MYH9: variants seen among roughly 807,000 people sequenced by gnomAD.
MYH9 encodes myosin heavy chain 9.
MYH9 carries 29 observed loss-of-function variants against 241.9 expected under a neutral mutation model. That is an observed-to-expected ratio of 0.12 (90% CI 0.09 to 0.16). MYH9 has a LOEUF of 0.16. Among genes scored for constraint, MYH9 ranks in the 10% least tolerant of loss-of-function variants. MYH9 has a pLI of 1.00. For missense variants in MYH9, 1,803 were observed against 2,595.5 expected (o/e 0.69, Z 6.63); for synonymous variants, 1,047 against 1,062.6 (o/e 0.99, Z 0.29).
chr22:36,309,651 C>G (rs541907786), intron 14 of MYH9, among the ~76,000 whole-genome samples: 1 of 152,352 alleles, frequency 6.6e-6, no homozygotes, highest in East Asian at 1.9e-4. Context: ...TGGCTCTAGA[C>G]ATGGCATGGT....
chr22:36,303,844 G>T (rs900672130), intron 19 of MYH9, 151 bp downstream of exon 19: 27 of 671,528 alleles, frequency 4.0e-5, no homozygotes, highest in South Asian at 7.4e-5. Context: ...CTCAAAGGTA[G>T]AAATCCAGGA....
intron 14 of MYH9, among the ~76,000 whole-genome samples, chr22:36,311,388 A>G (rs998120585): frequency 3.3e-5 from 5 of 151,720 alleles, no homozygotes; most frequent in African/African-American, 1.2e-4. Context: ...AAACTAGGAC[A>G]TGTTTGGCGA....
rs758034745 is a variant in MYH9 at position 36,284,423 on chromosome 22, C to T, written c.5572G>A (p.Ala1858Thr). The change falls in exon 39 of 41, where the codon GCC becomes ACC. Residue 1858 changes from alanine to threonine, a missense_variant. Ala to Thr is a moderately conservative substitution (Grantham distance 58). Coordinates refer to ENST00000216181, the MANE Select transcript of MYH9 (RefSeq NM_002473.6). ...LLQVDDERRNAEQYKDQADKA... is the reference protein window; with the variant it reads ...LLQVDDERRNTEQYKDQADKA... ...CACACCTGGTCCTTGTACTGCTCGG[C>T]GTTCCTCCGCTCGTCATCCACCTGC... The T allele has an allele frequency of 9.3e-6, 15 of 1,612,772 alleles. No homozygotes were observed. Among genetic ancestry groups the T allele is most frequent in the South Asian group, 6.6e-5 (6 of 91,090 alleles).
Position 36,294,092 on chromosome 22 carries a change from C to A in MYH9, c.3837G>T (p.Gln1279His). The part of the protein sequence containing the change: ...TELADKVTKL[Q>H]VELDNVTGLL... ...GCCAGGGTCCTGGCGGAGGCCTCACCTGCAGCTTGGTGACCTTGTCGGCCA... is the reference window on the plus strand; with the variant it reads ...GCCAGGGTCCTGGCGGAGGCCTCACATGCAGCTTGGTGACCTTGTCGGCCA... The change falls in exon 28 of 41, where the codon CAG becomes CAT. Residue 1279 changes from glutamine (Q) to histidine (H), a missense_variant and splice_region_variant. Gln to His is a conservative substitution (Grantham distance 24). This residue lies in a region of MYH9 where 876 missense variants were observed against 1,077.8 expected (regional missense o/e 0.81). Coordinates refer to ENST00000216181, the MANE Select transcript of MYH9 (RefSeq NM_002473.6). 1 of 1,608,154 alleles carries A rather than the reference C, an allele frequency of 6.2e-7. No homozygotes were observed. The highest frequency in any genetic ancestry group is 8.5e-7 in the Non-Finnish European group (1 of 1,179,876).
At chr22:36,346,782 T>G (rs2017684532) in intron 2 of MYH9, among the ~76,000 whole-genome samples, 1 of 152,100 alleles carries the variant, frequency 6.6e-6, no homozygotes, top group South Asian at 2.1e-4. Context: ...TTTTTTTATT[T>G]TTTTGTAGAG....
In MYH9 at chr22:36,293,974, G is replaced by T; in HGVS notation, c.3838-111C>A. ...CTGAGTCACAAGCTGAACCATGAGGGTCTGAGGAGCCAGTTTGAGAAGAGA... is the reference window on the plus strand; with the variant it reads ...CTGAGTCACAAGCTGAACCATGAGGTTCTGAGGAGCCAGTTTGAGAAGAGA... On this transcript the variant is annotated intron_variant, in intron 28 of 40. Coordinates refer to ENST00000216181, the MANE Select transcript of MYH9 (RefSeq NM_002473.6). This position sits in a 1 kb window ranked among gnomAD's most constrained non-coding sequence, Gnocchi z 5.1. 6.9e-7 allele frequency: 1 copy of T among 1,456,606 alleles called. No individual in the cohort carries two copies. The highest frequency in any genetic ancestry group is 9.5e-7 in the Non-Finnish European group (1 of 1,057,384). 90.2% of individuals were successfully genotyped at this position (1,456,606 alleles called of 1,614,324 possible).
intron 1 of MYH9, among the ~76,000 whole-genome samples, chr22:36,354,053 A>AC: frequency 6.6e-6 from 1 of 152,192 alleles, no homozygotes; most frequent in Admixed American, 6.5e-5. Flanking sequence ...GGCGTGTGCC[A>AC]CCACGCCTGG....
chr22:36,296,065 G>A (rs183761106), intron 25 of MYH9, among the ~76,000 whole-genome samples: 2 of 152,276 alleles, frequency 1.3e-5, no homozygotes, highest in African/African-American at 2.4e-5. Context: ...AATGTGCTAC[G>A]GACTTTAGAT....
intron 2 of MYH9, among the ~76,000 whole-genome samples, chr22:36,346,594 T>C (rs2017681703): frequency 1.3e-5 from 2 of 152,230 alleles, no homozygotes; most frequent in South Asian, 4.2e-4. Context: ...GGGAAGGCCA[T>C]AATAATCTTT....
rs188588187 is a variant in MYH9 at position 36,293,054 on chromosome 22, T to C, written c.4095+275A>G. Among the ~76,000 whole-genome samples the C allele has an allele frequency of 3.9e-5, 6 of 152,342 alleles. No individual in the cohort carries two copies. The highest frequency in any genetic ancestry group is 1.3e-4 in the Admixed American group (2 of 15,294). On this transcript the variant is annotated intron_variant, in intron 30 of 40. Coordinates refer to ENST00000216181, the MANE Select transcript of MYH9 (RefSeq NM_002473.6). The surrounding 1 kb of genome is among the most constrained non-coding windows in gnomAD (Gnocchi z 5.1). ...ACTGCCACCACCATGGCTTGCTGCC[T>C]ACATCCATAATGGAAGCAATGCTGA...
intron 21 of MYH9, 133 bp from the exon 22 acceptor site, chr22:36,301,190 G>T: frequency 1.1e-6 from 1 of 889,928 alleles, no homozygotes; most frequent in Non-Finnish European, 1.8e-6. Context: ...CATCTGGAGA[G>T]CTCTGAAGCT....
rs1433500310 is a variant in MYH9 at position 36,288,244 on chromosome 22, A to G, written c.4932+8T>C. The stretch of plus-strand genomic sequence containing the variant: ...GCCCACCCTCACCTGGGCCCCGCCC[A>G]CCCTTACCTGCAGCTTCCGCAGCTG... On this transcript the variant is annotated splice_region_variant and intron_variant, in intron 34 of 40. Transcript: ENST00000216181. This position sits in a 1 kb window ranked among gnomAD's most constrained non-coding sequence, Gnocchi z 4.8. 1 of 1,612,220 alleles carries G rather than the reference A, an allele frequency of 6.2e-7. No homozygotes were observed. Among genetic ancestry groups the G allele is most frequent in the Admixed American group, 1.7e-5 (1 of 59,952 alleles).
At chr22:36,383,317 C>T (rs1215617134) in intron 1 of MYH9, among the ~76,000 whole-genome samples, 1 of 152,180 alleles carries the variant, frequency 6.6e-6, no homozygotes, top group East Asian at 1.9e-4. Context: ...AGTGCTCTTC[C>T]TGTATCACCC....
chr22:36,338,711 T>G (rs962548772), intron 3 of MYH9, among the ~76,000 whole-genome samples: 5 of 151,292 alleles, frequency 3.3e-5, no homozygotes, highest in African/African-American at 1.2e-4. Flanking sequence ...TCCCAGCTAC[T>G]CAGGAGGCTG....
At position 36,321,885 on chromosome 22, in the gene MYH9, G is replaced by A. The variant is rs1326191973; in HGVS notation, c.706-64C>T. 15 of 1,408,802 alleles carry A rather than the reference G, an allele frequency of 1.1e-5. No homozygotes were observed. The East Asian group carries it at 3.0e-4, about 28-fold the overall frequency. The allele number at this position is 1,408,802 out of a possible 1,614,324, so 87.3% of individuals were successfully genotyped here. A position where few individuals can be genotyped will look rare whatever the true frequency, so the allele number is the denominator to read the frequency against. On this transcript the variant is annotated intron_variant, in intron 6 of 40. Coordinates refer to ENST00000216181, the MANE Select transcript of MYH9 (RefSeq NM_002473.6). ...TGACATGGGGAGCTAGAGAGCACGGGGGAGACCACAGCCCCCCGCCCCACC... is the reference window on the plus strand; with the variant it reads ...TGACATGGGGAGCTAGAGAGCACGGAGGAGACCACAGCCCCCCGCCCCACC...
In MYH9 at chr22:36,300,404, G is replaced by A. The variant is rs1569535192; in HGVS notation, c.2839-140C>T. 5 of 1,255,124 alleles carry A rather than the reference G, an allele frequency of 4.0e-6. No individual in the cohort carries two copies. Among genetic ancestry groups the A allele is most frequent in the African/African-American group, 1.5e-5 (1 of 67,324 alleles). The allele number at this position is 1,255,124 out of a possible 1,614,324, so 77.7% of individuals were successfully genotyped here. ...GAGCCCAGGGCCATGGCTGAGGTGG[G>A]GACGGCAAGGTCCGCCAGCCCAGGG... On this transcript the variant is annotated intron_variant, in intron 22 of 40. Transcript: ENST00000216181. This position sits in a 1 kb window ranked among gnomAD's most constrained non-coding sequence, Gnocchi z 5.0.
chr22:36,312,653 C>T (rs2017084037), intron 13 of MYH9, among the ~76,000 whole-genome samples: 1 of 152,118 alleles, frequency 6.6e-6, no homozygotes, highest in Non-Finnish European at 1.5e-5. Flanking sequence ...GGAGGAGCCC[C>T]TTGAGGAAGA....
At chr22:36,380,844 G>T (rs1725932070) in intron 1 of MYH9, among the ~76,000 whole-genome samples, 1 of 152,182 alleles carries the variant, frequency 6.6e-6, no homozygotes, top group Non-Finnish European at 1.5e-5. Flanking sequence ...GACAGCTTAT[G>T]ATTTGGAGCC....
chr22:36,283,869 A>G (rs564452237), intron 40 of MYH9, among the ~76,000 whole-genome samples: 2 of 152,374 alleles, frequency 1.3e-5, no homozygotes, highest in East Asian at 1.9e-4. Context: ...AATTCAAAAG[A>G]CAATAGACTT....
Sources: gnomAD v4.1 joint callset for allele counts (sites outside exome capture counted in the v4.1 genomes callset) on GRCh38, gnomAD v4.1.1 for gene constraint, gnomAD v4.1.1 regional missense constraint, Gnocchi (gnomAD v3.1) non-coding constraint, MANE v1.5 for transcripts, NCBI Gene and HGNC (gene_info 2026-07-23, HGNC 2026-07-21) for gene names.